TUSC3: variants seen among roughly 807,000 people sequenced by gnomAD.
TUSC3 encodes tumor suppressor candidate 3.
In TUSC3, 45 loss-of-function variants were observed where a neutral mutation model predicts 44.8. The ratio of observed to expected loss-of-function variants is 1.00; its 90% confidence interval spans 0.79 to 1.29. TUSC3 has a LOEUF of 1.29. TUSC3 is among the 50% of genes most tolerant of loss of function. The pLI is 0.00. For missense variants in TUSC3, 519 were observed against 437.9 expected, an observed-to-expected ratio of 1.19 and a Z score of -1.65; for synonymous variants, 212 against 152.9, an observed-to-expected ratio of 1.39 and a Z score of -2.85.
chr8:15,786,725 C>T, the TUSC3 span, among the ~76,000 whole-genome samples: 1 of 151,604 alleles, frequency 6.6e-6, no homozygotes, highest in African/African-American at 2.4e-5. Flanking sequence ...CGGTGGATCA[C>T]GAGGTCAGGA....
the TUSC3 span, among the ~76,000 whole-genome samples, chr8:15,798,924 A>T: frequency 6.6e-6 from 1 of 152,190 alleles, no homozygotes; most frequent in African/African-American, 2.4e-5. Context: ...TCTAAATTTC[A>T]TTGGGTCAAT....
intron 7 of TUSC3, among the ~76,000 whole-genome samples, chr8:15,740,752 C>T (rs574716656): frequency 1.3e-5 from 2 of 152,134 alleles, no homozygotes; most frequent in Non-Finnish European, 2.9e-5. Flanking sequence ...AATACACTTA[C>T]CAAACCTCTC....
rs947953005 is a variant in TUSC3, at chr8:15,542,901, A to C, written c.138+2333A>C. ...AAGAGCTTAAATAGTTGATGTTTTCAAGACTGTACTTTCAGGGATCATTTC... is the reference window on the plus strand; with the variant it reads ...AAGAGCTTAAATAGTTGATGTTTTCCAGACTGTACTTTCAGGGATCATTTC... On this transcript the variant is annotated intron_variant, in intron 1 of 10. Transcript: ENST00000503731. Among the ~76,000 whole-genome samples, 8 of 152,338 alleles carry C rather than the reference A, an allele frequency of 5.3e-5. No individual in the cohort carries two copies. In the East Asian group the frequency reaches 1.4e-3, roughly 26 times the overall value.
chr8:15,805,082 T>G, the TUSC3 span, among the ~76,000 whole-genome samples: 2 of 152,268 alleles, frequency 1.3e-5, no homozygotes, highest in South Asian at 4.1e-4. Context: ...TTTATTTTTG[T>G]GTGTGTGGCA....
the TUSC3 span, among the ~76,000 whole-genome samples, chr8:15,789,641 T>C: frequency 6.6e-6 from 1 of 152,128 alleles, no homozygotes; most frequent in African/African-American, 2.4e-5. Flanking sequence ...TGCAGATATA[T>C]ATATATATAG....
At chr8:15,567,272 A>G (rs1229897476) in intron 1 of TUSC3, among the ~76,000 whole-genome samples, 1 of 152,138 alleles carries the variant, frequency 6.6e-6, no homozygotes, top group Non-Finnish European at 1.5e-5. Flanking sequence ...GTATTTTTTC[A>G]ATTAACAAAA....
intron 2 of TUSC3, among the ~76,000 whole-genome samples, chr8:15,522,622 G>A (rs1413276877): frequency 2.0e-5 from 3 of 151,564 alleles, no homozygotes; most frequent in African/African-American, 7.3e-5. Context: ...GAATACTTTG[G>A]TGGGTAAGCT....
intron 1 of TUSC3, among the ~76,000 whole-genome samples, chr8:15,566,342 G>A (rs1303899283): frequency 1.3e-5 from 2 of 152,056 alleles, no homozygotes; most frequent in African/African-American, 2.4e-5. Flanking sequence ...CTCAGAAACG[G>A]ATTTTAGTGG....
chr8:15,782,318 AT>A, the TUSC3 span, among the ~76,000 whole-genome samples: 13 of 151,682 alleles, frequency 8.6e-5, no homozygotes, highest in African/African-American at 2.4e-4. Flanking sequence ...ACAAAAAAAA[AT>A]TTTTTTTTAA....
At chr8:15,646,898 C>G (rs1585189171) in intron 2 of TUSC3, among the ~76,000 whole-genome samples, 1 of 152,200 alleles carries the variant, frequency 6.6e-6, no homozygotes, top group South Asian at 2.1e-4. Flanking sequence ...TCTCACCTTT[C>G]ATTGCTTTTT....
At chr8:15,445,740 C>T (rs913120782) in intron 1 of TUSC3, among the ~76,000 whole-genome samples, 1 of 152,240 alleles carries the variant, frequency 6.6e-6, no homozygotes, top group Non-Finnish European at 1.5e-5. Flanking sequence ...CAGTAACAAT[C>T]TGATCTCTGT....
chr8:15,537,125 A>C (rs11787005), upstream of TUSC3, among the ~76,000 whole-genome samples: 1 of 147,330 alleles, frequency 6.8e-6, no homozygotes, highest in Non-Finnish European at 1.5e-5. Context: ...CTTAAGAAAC[A>C]TGTTACAACC....
intron 1 of TUSC3, among the ~76,000 whole-genome samples, chr8:15,584,986 A>G (rs1244992794): frequency 6.6e-6 from 1 of 152,226 alleles, no homozygotes; most frequent in Admixed American, 6.5e-5. Flanking sequence ...ATATCTGCTT[A>G]TTAAAAAGAT....
chr8:15,463,704 G>A (rs1800378015), intron 1 of TUSC3, among the ~76,000 whole-genome samples: 1 of 152,046 alleles, frequency 6.6e-6, no homozygotes, highest in Admixed American at 6.6e-5. Flanking sequence ...TCATTCACCT[G>A]CATTAAAGAG....
intron 2 of TUSC3, among the ~76,000 whole-genome samples, chr8:15,507,294 C>G (rs1801069503): frequency 6.6e-6 from 1 of 152,108 alleles, no homozygotes; most frequent in Non-Finnish European, 1.5e-5. Context: ...GCCTCAGGGT[C>G]CTTTTTAATT....
chr8:15,512,874 A>G (rs200401495), intron 2 of TUSC3, among the ~76,000 whole-genome samples: 112 of 102,626 alleles, frequency 1.1e-3, no homozygotes, highest in South Asian at 2.5e-3. Context: ...ATGTGTGTGT[A>G]TATATATATA....
chr8:15,774,443 C>T, the TUSC3 span, among the ~76,000 whole-genome samples: 1 of 152,182 alleles, frequency 6.6e-6, no homozygotes, highest in South Asian at 2.1e-4. Context: ...ATGGATGATT[C>T]GCCTGACTAC....
the TUSC3 span, among the ~76,000 whole-genome samples, chr8:15,778,471 G>T: frequency 1.4e-4 from 22 of 152,056 alleles, no homozygotes; most frequent in East Asian, 3.7e-3. Context: ...AACTATTAAT[G>T]ATTTTTTTTT....
the TUSC3 span, among the ~76,000 whole-genome samples, chr8:15,833,401 A>G: frequency 6.6e-6 from 1 of 152,322 alleles, no homozygotes; most frequent in East Asian, 1.9e-4. Context: ...ATGAAGACAC[A>G]TACACACATA....
Sources: gnomAD v4.1 joint callset for allele counts (sites outside exome capture counted in the v4.1 genomes callset) on GRCh38, gnomAD v4.1.1 for gene constraint, MANE v1.5 for transcripts, NCBI Gene and HGNC (gene_info 2026-07-23, HGNC 2026-07-21) for gene names.